Variants in DOCK9 observed in about 807,000 individuals in gnomAD.
DOCK9 encodes dedicator of cytokinesis protein 9.
Under a neutral mutation model 263.3 loss-of-function variants are expected in DOCK9, and 89 were observed. The ratio of observed to expected loss-of-function variants is 0.34; its 90% CI spans 0.28 to 0.40. The LOEUF (loss-of-function observed/expected upper bound fraction) is 0.40, where lower values mean the gene tolerates loss of function less well. Ranked by LOEUF, DOCK9 falls within the 10% of genes least tolerant of loss-of-function variation. The probability of loss-of-function intolerance (pLI) is 1.00; values close to 1 mark genes in which losing one functional copy is unlikely to be tolerated. For synonymous variants in DOCK9, 976 were observed against 973.1 expected, an observed-to-expected ratio of 1.00 and a Z score of -0.06; for missense variants, 2,140 against 2,603.4, an observed-to-expected ratio of 0.82 and a Z score of 3.87.
At position 98,797,106 on chromosome 13, in the gene DOCK9, G is replaced by A. The variant is rs942557823; in HGVS notation, c.6156+9C>T. The A allele has an allele frequency of 3.7e-6, 6 of 1,613,808 alleles. No individual in the cohort carries two copies. Among genetic ancestry groups the A allele is most frequent in the Admixed American group, 3.3e-5 (2 of 59,992 alleles). On this transcript the variant is annotated intron_variant, in intron 52 of 52. Coordinates refer to ENST00000682017, the MANE Select transcript of DOCK9 (RefSeq NM_001366683.2). ...AACTCCAAGTTGTTGGAGCCAGTGCGGCCCTCACCTGCTCATGCATGATTT... is the reference window on the plus strand; with the variant it reads ...AACTCCAAGTTGTTGGAGCCAGTGCAGCCCTCACCTGCTCATGCATGATTT...
chr13:98,867,917 C>T lies in DOCK9; in HGVS notation c.3174+11G>A. 2 of 1,612,014 alleles carry T rather than the reference C, an allele frequency of 1.2e-6. No individual in the cohort carries two copies. Among genetic ancestry groups the T allele is most frequent in the Non-Finnish European group, 1.7e-6 (2 of 1,178,910 alleles). ...GGTGACTTCTGTTACCAGTAACAAC[C>T]CCCGCACTACCTTTGGGTCTCCAGG... On this transcript the variant is annotated intron_variant, in intron 29 of 52. Coordinates refer to ENST00000682017, the MANE Select transcript of DOCK9 (RefSeq NM_001366683.2).
chr13:99,055,550 G>C (rs1189870786), intron 1 of DOCK9, among the ~76,000 whole-genome samples: 1 of 152,152 alleles, frequency 6.6e-6, no homozygotes, highest in Non-Finnish European at 1.5e-5. Context: ...CAGGCGCACA[G>C]GGTCAGTTGT....
At chr13:98,832,097 G>A (rs957710280) in intron 39 of DOCK9, 15 of 257,248 alleles carry the variant, frequency 5.8e-5, no homozygotes, top group African/African-American at 3.1e-4. Context: ...CTGATACAGA[G>A]GTGCCATTTG....
chr13:98,885,410 C>A (rs984907063), intron 20 of DOCK9: 3 of 532,578 alleles, frequency 5.6e-6, no homozygotes, highest in Non-Finnish European at 1.0e-5. Flanking sequence ...TCGAGACCAG[C>A]CTGGGCAACA....
chr13:99,021,588 G>A (rs912483027), intron 1 of DOCK9, among the ~76,000 whole-genome samples: 1 of 148,600 alleles, frequency 6.7e-6, no homozygotes, highest in South Asian at 2.1e-4. Context: ...GCAGTGAGCC[G>A]AGATCGCGCT....
intron 33 of DOCK9, chr13:98,860,077 C>G (rs2093816873): frequency 1.4e-6 from 1 of 726,068 alleles, no homozygotes; most frequent in Non-Finnish European, 1.8e-6. Flanking sequence ...CCCCTCCCCC[C>G]ACCACCTGCA....
rs71114578 is a variant in DOCK9 at position 99,071,306 on chromosome 13, C to CTTTTTTTTTTTTTTTTTTTTTT, written c.129+14895_129+14916dup. ...TACAGGTGCTTGCCACCATGCCTGG[C>CTTTTTTTTTTTTTTTTTTTTTT]TTTTTTTTTTTTTTTTTTTTTTTTT... On this transcript the variant is annotated intron_variant, in intron 1 of 32. Transcript: ENST00000427887. Among the ~76,000 whole-genome samples, 8 of 49,330 alleles carry CTTTTTTTTTTTTTTTTTTTTTT rather than the reference C, an allele frequency of 1.6e-4. 1 individual carries two copies. Among genetic ancestry groups the CTTTTTTTTTTTTTTTTTTTTTT allele is most frequent in the East Asian group, 1.3e-3 (2 of 1,488 alleles). 32.4% of individuals were successfully genotyped at this position (49,330 alleles called of 152,430 possible).
chr13:98,822,382 T>G (rs1372901440), intron 45 of DOCK9, among the ~76,000 whole-genome samples: 1 of 152,210 alleles, frequency 6.6e-6, no homozygotes, highest in African/African-American at 2.4e-5. Flanking sequence ...AAATGCAAGC[T>G]TCATTTTATC....
chr13:98,966,108 G>A (rs1193381474), intron 1 of DOCK9, among the ~76,000 whole-genome samples: 12 of 152,230 alleles, frequency 7.9e-5, no homozygotes, highest in African/African-American at 2.7e-4. Flanking sequence ...AGCTGTGCTC[G>A]CTGGGGATGC....
At chr13:98,811,321 C>T (rs2091277862) in intron 45 of DOCK9, among the ~76,000 whole-genome samples, 1 of 151,892 alleles carries the variant, frequency 6.6e-6, no homozygotes, top group South Asian at 2.1e-4. Flanking sequence ...TACTGGATTG[C>T]TTATTATTGA....
At chr13:99,015,644 C>A in intron 1 of DOCK9, 1 of 1,555,920 alleles carries the variant, frequency 6.4e-7, no homozygotes, top group Non-Finnish European at 8.6e-7. Flanking sequence ...TTAGCAATCT[C>A]TACTCCATTT....
chr13:98,897,390 G>C (rs1373730367), intron 15 of DOCK9, 98 bp downstream of exon 15: 1 of 1,470,676 alleles, frequency 6.8e-7, no homozygotes, highest in Non-Finnish European at 9.2e-7. Flanking sequence ...CCCCTCTGAT[G>C]TCTAAATCGA....
At chr13:98,860,124 A>C (rs2093818440) in intron 33 of DOCK9, 1 of 1,250,592 alleles carries the variant, frequency 8.0e-7, no homozygotes, top group East Asian at 2.7e-5. Context: ...TCCAATTAAG[A>C]TTTAAAATGA....
chr13:98,902,760 G>T (rs2048484730), intron 11 of DOCK9, among the ~76,000 whole-genome samples: 1 of 152,162 alleles, frequency 6.6e-6, no homozygotes, highest in African/African-American at 2.4e-5. Context: ...GATGAACTCT[G>T]TCTCCTGGAA....
intron 1 of DOCK9, among the ~76,000 whole-genome samples, chr13:98,957,509 T>C (rs2058187159): frequency 6.6e-6 from 1 of 151,050 alleles, no homozygotes; most frequent in Non-Finnish European, 1.5e-5. Context: ...TCAAAAAAAT[T>C]AAAGCTATAA....
rs71114563 is a variant in DOCK9 at position 98,951,903 on chromosome 13, C to CTTTTTTTTTTTTTTTTTTTTTTTT, written c.243+3531_243+3532insAAAAAAAAAAAAAAAAAAAAAAAA. Among the ~76,000 whole-genome samples the CTTTTTTTTTTTTTTTTTTTTTTTT allele has an allele frequency of 7.4e-5, 10 of 134,900 alleles. 1 individual carries two copies. Among genetic ancestry groups the CTTTTTTTTTTTTTTTTTTTTTTTT allele is most frequent in the Non-Finnish European group, 1.4e-4 (9 of 63,182 alleles). The allele number at this position is 134,900 out of a possible 152,430, so 88.5% of individuals were successfully genotyped here. A position where few individuals can be genotyped will look rare whatever the true frequency, so the allele number is the denominator to read the frequency against. ...ATGTACTTTACTTCATTAATATTCC[C>CTTTTTTTTTTTTTTTTTTTTTTTT]TTTTTTTTTTTGAGATGGAGTTTTC... On this transcript the variant is annotated intron_variant, in intron 2 of 52. Transcript: ENST00000682017.
chr13:99,039,102 GA>G (rs1888220775), intron 1 of DOCK9, among the ~76,000 whole-genome samples: 1 of 152,146 alleles, frequency 6.6e-6, no homozygotes, highest in African/African-American at 2.4e-5. Context: ...AAAGCTGTCA[GA>G]AAACATCTTT....
In DOCK9 at chr13:98,856,004, T is replaced by C; in HGVS notation, c.3725A>G (p.Asn1242Ser). Residue 1242 changes from asparagine (N) to serine (S), a missense_variant, in exon 34 of 53, where the codon AAC becomes AGC. Asn to Ser is a conservative substitution (Grantham distance 46). Coordinates refer to ENST00000682017, the MANE Select transcript of DOCK9 (RefSeq NM_001366683.2). ...IASPYTTSTP[N>S]INSVRNADSR... Reference sequence around the variant, plus strand: ...ATCAGCATTTCTCACACTGTTGATGTTTGGAGTTGAGGTTGTATATGGAGA... The same window carrying C: ...ATCAGCATTTCTCACACTGTTGATGCTTGGAGTTGAGGTTGTATATGGAGA... The C allele has an allele frequency of 6.2e-7, 1 of 1,613,944 alleles. No homozygotes were observed. Among genetic ancestry groups the C allele is most frequent in the Non-Finnish European group, 8.5e-7 (1 of 1,179,836 alleles).
chr13:98,921,733 T>G (rs558663828), intron 6 of DOCK9, among the ~76,000 whole-genome samples: 189 of 152,338 alleles, frequency 1.2e-3, no homozygotes, highest in African/African-American at 4.5e-3. Flanking sequence ...GCATGACAGA[T>G]AGCCCCTTGG....
Sources: gnomAD v4.1 joint callset for allele counts (sites outside exome capture counted in the v4.1 genomes callset) on GRCh38, gnomAD v4.1.1 for gene constraint, MANE v1.5 for transcripts, NCBI Gene and HGNC (gene_info 2026-07-23, HGNC 2026-07-21) for gene names.